ANKRD34C: variants seen among roughly 807,000 people sequenced by gnomAD.
ANKRD34C encodes the protein ankyrin repeat domain 34C, also known as ankyrin repeat domain-containing protein 34C.
For missense variants in ANKRD34C, 563 were observed against 653.0 expected (o/e 0.86, Z 1.50); for synonymous variants, 260 against 253.6 (o/e 1.03, Z -0.24).
chr15:79,285,086 G>C (rs778124490), intron 1 of ANKRD34C, among the ~76,000 whole-genome samples: 2 of 152,158 alleles, frequency 1.3e-5, no homozygotes, highest in Non-Finnish European at 2.9e-5. Context: ...CAAGATGTCA[G>C]GTTTGCACGT....
intron 1 of ANKRD34C, among the ~76,000 whole-genome samples, chr15:79,288,891 G>A (rs2058652628): frequency 6.9e-6 from 1 of 144,420 alleles, no homozygotes; most frequent in African/African-American, 2.6e-5. Context: ...TACGATCTCG[G>A]CTAACTGCAA....
intron 1 of ANKRD34C, among the ~76,000 whole-genome samples, chr15:79,291,595 C>G (rs1053103566): frequency 8.5e-6 from 1 of 118,186 alleles, no homozygotes; most frequent in African/African-American, 3.4e-5. Flanking sequence ...CACACACACA[C>G]ACACACAGAG....
intron 1 of ANKRD34C, among the ~76,000 whole-genome samples, chr15:79,284,345 G>A (rs999194541): frequency 1.3e-5 from 2 of 152,194 alleles, no homozygotes; most frequent in African/African-American, 4.8e-5. Context: ...TTAAATCAAA[G>A]CTGTAGCACT....
At chr15:79,283,622 C>G (rs901856250) in intron 1 of ANKRD34C, 1 of 152,188 alleles carries the variant, frequency 6.6e-6, no homozygotes, top group Non-Finnish European at 1.5e-5. Context: ...CTAAGCATTT[C>G]TGAGAAATGA....
At chr15:79,291,332 G>C (rs1053050202) in intron 1 of ANKRD34C, among the ~76,000 whole-genome samples, 1 of 152,132 alleles carries the variant, frequency 6.6e-6, no homozygotes, top group African/African-American at 2.4e-5. Context: ...AGAGAGGTAG[G>C]CTGAGGCCAG....
chr15:79,285,555 A>C (rs1329117760), intron 1 of ANKRD34C, among the ~76,000 whole-genome samples: 4 of 152,242 alleles, frequency 2.6e-5, no homozygotes, highest in Admixed American at 2.6e-4. Flanking sequence ...AGCAGCTACA[A>C]AATGACAGGA....
rs379647 is a variant in ANKRD34C at position 79,296,089 on chromosome 15, T to C, written c.*1197T>C. The C allele has an allele frequency of 6.0e-6, 1 of 167,108 alleles. No homozygotes were observed. The highest frequency in any genetic ancestry group is 1.5e-5 in the Non-Finnish European group (1 of 68,122). The allele number at this position is 167,108 out of a possible 1,614,324, so 10.4% of individuals were successfully genotyped here. A position where few individuals can be genotyped will look rare whatever the true frequency, so the allele number is the denominator to read the frequency against. On this transcript the variant is annotated 3_prime_UTR_variant, in exon 2 of 2. Coordinates refer to ENST00000421388, the MANE Select transcript of ANKRD34C (RefSeq NM_001146341.2). ...TGAATATATTTTTGGTTATTTCCAT[T>C]TATGTTTCCTCTCGTGCTGCTGAGA...
Position 79,294,827 on chromosome 15 carries a change from A to C in ANKRD34C, c.1543A>C (p.Arg515=). 1 of 1,551,070 alleles carries C rather than the reference A, an allele frequency of 6.4e-7. No homozygotes were observed. The highest frequency in any genetic ancestry group is 8.7e-7 in the Non-Finnish European group (1 of 1,146,864). The change falls in exon 2 of 2, where the codon AGA becomes CGA. Residue 515 remains arginine, a synonymous_variant. Coordinates refer to ENST00000421388, the MANE Select transcript of ANKRD34C (RefSeq NM_001146341.2). ...CTTAAGAAGTAAAAAGAAGCTCCTCAGAAGGCATTCTATGCAAATTGAACA... is the reference window on the plus strand; with the variant it reads ...CTTAAGAAGTAAAAAGAAGCTCCTCCGAAGGCATTCTATGCAAATTGAACA... ...VDLRSKKKLL[R]RHSMQIEQMK...
Position 79,294,169 on chromosome 15 carries a change from C to T in ANKRD34C, c.885C>T (p.Pro295=). Reference sequence around the variant, plus strand: ...ATATATCCTTCCCTAAAAGGGGGCCCCTCTCCAGAACCAACAGTATCGATA... The same window carrying T: ...ATATATCCTTCCCTAAAAGGGGGCCTCTCTCCAGAACCAACAGTATCGATA... ...ISDISFPKRG[P]LSRTNSIDSK... The change falls in exon 2 of 2, where the codon CCC becomes CCT. Residue 295 remains proline, a synonymous_variant. Coordinates refer to ENST00000421388, the MANE Select transcript of ANKRD34C (RefSeq NM_001146341.2). 1 of 1,551,524 alleles carries T rather than the reference C, an allele frequency of 6.4e-7. No homozygotes were observed. The highest frequency in any genetic ancestry group is 8.7e-7 in the Non-Finnish European group (1 of 1,146,980).
intron 1 of ANKRD34C, among the ~76,000 whole-genome samples, 190 bp downstream of exon 1, chr15:79,283,418 C>T (rs2141198772): frequency 6.6e-6 from 1 of 152,048 alleles, no homozygotes; most frequent in Middle Eastern, 3.4e-3. Context: ...TGCATTGACG[C>T]GTGGGGATGA....
Position 79,282,800 on chromosome 15 carries a change from G to T in ANKRD34C, c.-473G>T, listed in dbSNP as rs12437550. On this transcript the variant is annotated 5_prime_UTR_variant, in exon 1 of 2. Transcript: ENST00000421388. ...CAGCGCGTCGTCAGCCAGCACAGCC[G>T]GCCGAAGACCAAGCCGGAGGTCTGG... Among the ~76,000 whole-genome samples the T allele has an allele frequency of 6.6e-6, 1 of 152,244 alleles. No homozygotes were observed. The highest frequency in any genetic ancestry group is 2.1e-4 in the South Asian group (1 of 4,832).
In ANKRD34C at chr15:79,294,309, G is replaced by C; in HGVS notation, c.1025G>C (p.Arg342Pro). Reference protein sequence around the residue: ...AYEKGQAPHPRLARRGTLPVD... With the variant: ...AYEKGQAPHPPLARRGTLPVD... ...GAGAAAGGTCAGGCTCCCCACCCACGTCTGGCCAGGAGAGGAACTCTCCCT... is the reference window on the plus strand; with the variant it reads ...GAGAAAGGTCAGGCTCCCCACCCACCTCTGGCCAGGAGAGGAACTCTCCCT... Residue 342 changes from arginine to proline, a missense_variant, in exon 2 of 2, where the codon CGT (arginine) becomes CCT (proline). By Grantham distance (103) the Arg-to-Pro change is moderately radical. Transcript: ENST00000421388. The C allele has an allele frequency of 6.4e-7, 1 of 1,551,688 alleles. No individual in the cohort carries two copies. Among genetic ancestry groups the C allele is most frequent in the Non-Finnish European group, 8.7e-7 (1 of 1,146,996 alleles).
Position 79,294,960 on chromosome 15 carries a change from G to A in ANKRD34C, c.*68G>A, listed in dbSNP as rs1042659208. ...GGGACTATGGATGAGACTGCTTCCT[G>A]ATCATTCCTTAATGTTGAACTGTGG... On this transcript the variant is annotated 3_prime_UTR_variant, in exon 2 of 2. Coordinates refer to ENST00000421388, the MANE Select transcript of ANKRD34C (RefSeq NM_001146341.2). 6.5e-5 allele frequency: 92 copies of A among 1,419,846 alleles called. No homozygotes were observed. Among genetic ancestry groups the A allele is most frequent in the Non-Finnish European group, 8.6e-5 (92 of 1,071,436 alleles). 88.0% of individuals were successfully genotyped at this position (1,419,846 alleles called of 1,614,324 possible).
chr15:79,292,156 G>A (rs2058661534), intron 1 of ANKRD34C, among the ~76,000 whole-genome samples: 1 of 152,208 alleles, frequency 6.6e-6, no homozygotes, highest in Non-Finnish European at 1.5e-5. Flanking sequence ...GGCCACATGA[G>A]CCATCTGCTC....
In ANKRD34C at chr15:79,293,899, G is replaced by A; in HGVS notation, c.615G>A (p.Lys205=). The change falls in exon 2 of 2, where the codon AAG becomes AAA. Residue 205 remains lysine (K), a synonymous_variant. Transcript: ENST00000421388. ...ALGLDSPLTE[K]EDDFFSLQAG... ...GCCTGGACTCTCCACTCACTGAGAA[G>A]GAAGATGACTTCTTCAGCCTCCAAG... 6.4e-7 allele frequency: 1 copy of A among 1,551,692 alleles called. No individual in the cohort carries two copies.
chr15:79,294,859 A>G lies in ANKRD34C; in HGVS notation c.1575A>G (p.Lys525=). Residue 525 remains lysine, a synonymous_variant, in exon 2 of 2, where the codon AAA becomes AAG. Transcript: ENST00000421388. ...ATTCTATGCAAATTGAACAAATGAA[A>G]CAGCTGTCTGATTTTGAAGAAATCA... ...RRHSMQIEQM[K]QLSDFEEIMT is the part of the protein sequence containing the mutation. 2 of 1,543,896 alleles carry G rather than the reference A, an allele frequency of 1.3e-6. No individual in the cohort carries two copies. The highest frequency in any genetic ancestry group is 1.7e-6 in the Non-Finnish European group (2 of 1,145,078).
chr15:79,287,773 C>G (rs890986047), intron 1 of ANKRD34C, among the ~76,000 whole-genome samples: 1 of 152,226 alleles, frequency 6.6e-6, no homozygotes, highest in African/African-American at 2.4e-5. Context: ...CCTCTCATCT[C>G]AGCTTCTCAG....
At chr15:79,289,951 G>C (rs921997437) in intron 1 of ANKRD34C, among the ~76,000 whole-genome samples, 2 of 152,172 alleles carry the variant, frequency 1.3e-5, no homozygotes, top group Non-Finnish European at 1.5e-5. Flanking sequence ...AAAAGATAGA[G>C]AATATACAAA....
At position 79,295,823 on chromosome 15, in the gene ANKRD34C, G is replaced by A. The variant is rs2141204176; in HGVS notation, c.*931G>A. The A allele has an allele frequency of 6.0e-6, 1 of 167,106 alleles. No homozygotes were observed. Among genetic ancestry groups the A allele is most frequent in the South Asian group, 2.1e-4 (1 of 4,822 alleles). 10.4% of individuals were successfully genotyped at this position (167,106 alleles called of 1,614,324 possible). A position where few individuals can be genotyped will look rare whatever the true frequency, so the allele number is the denominator to read the frequency against. On this transcript the variant is annotated 3_prime_UTR_variant, in exon 2 of 2. Transcript: ENST00000421388. Reference sequence around the variant, plus strand: ...TAAATGGTAAAGTGGGTGGTTCTCAGGTGAGAAGCAGTGAGGACCATTCAT... The same window carrying A: ...TAAATGGTAAAGTGGGTGGTTCTCAAGTGAGAAGCAGTGAGGACCATTCAT...
Sources: allele counts gnomAD v4.1 joint callset (sites outside exome capture counted in the v4.1 genomes callset), GRCh38; gene constraint gnomAD v4.1.1; transcripts MANE v1.5; gene names NCBI Gene and HGNC (gene_info 2026-07-23, HGNC 2026-07-21).